PAX3: variants seen among roughly 807,000 people sequenced by gnomAD.
The protein encoded by PAX3 is paired box protein Pax-3.
A neutral mutation model predicts 51.6 loss-of-function variants in PAX3; 14 were observed. That is an observed-to-expected ratio of 0.27 (90% confidence interval 0.18 to 0.42). The LOEUF (loss-of-function observed/expected upper bound fraction) is 0.42, where lower values mean the gene tolerates loss of function less well. Among genes scored for constraint, PAX3 ranks in the 10% least tolerant of loss-of-function variants. PAX3 has a pLI of 1.00. For synonymous variants in PAX3, 280 were observed against 253.4 expected (o/e 1.11, Z -1.00); for missense variants, 540 against 642.8 (o/e 0.84, Z 1.73).
Position 222,298,671 on chromosome 2 carries a change from G to T in PAX3, c.-56C>A, listed in dbSNP as rs1011468608. 6.0e-6 allele frequency: 9 copies of T among 1,496,560 alleles called. No homozygotes were observed. Among genetic ancestry groups the T allele is most frequent in the Non-Finnish European group, 6.4e-6 (7 of 1,095,852 alleles). 92.7% of individuals were successfully genotyped at this position (1,496,560 alleles called of 1,614,324 possible). Reference sequence around the variant, plus strand: ...CCAGGTGAAGGCGAAACGGAAAGGCGAGTGCGGCGCGGATGACCCTCGGGA... The same window carrying T: ...CCAGGTGAAGGCGAAACGGAAAGGCTAGTGCGGCGCGGATGACCCTCGGGA... On this transcript the variant is annotated 5_prime_UTR_variant, in exon 1 of 9. Coordinates refer to ENST00000392070, the MANE Select transcript of PAX3 (RefSeq NM_181458.4).
Position 222,298,575 on chromosome 2 carries a change from G to C in PAX3, c.41C>G (p.Pro14Arg). ...LAGAVPRMMR[P>R]GPGQNYPRSG... Reference sequence around the variant, plus strand: ...ACGCGGGTAGTTCTGCCCCGGGCCCGGCCGCATCATCCTGGGCACAGCGCC... The same window carrying C: ...ACGCGGGTAGTTCTGCCCCGGGCCCCGCCGCATCATCCTGGGCACAGCGCC... The change falls in exon 1 of 9, where the codon CCG becomes CGG. Residue 14 changes from proline (P) to arginine (R), a missense_variant. Pro to Arg is a moderately radical substitution (Grantham distance 103). Transcript: ENST00000392070. 6.2e-7 allele frequency: 1 copy of C among 1,608,670 alleles called. No individual in the cohort carries two copies. Among genetic ancestry groups the C allele is most frequent in the South Asian group, 1.1e-5 (1 of 90,106 alleles).
At position 222,201,051 on chromosome 2, in the gene PAX3, A is replaced by ACG. The variant is rs1559248164; in HGVS notation, c.*356_*357insCG. On this transcript the variant is annotated 3_prime_UTR_variant, in exon 9 of 9. Coordinates refer to ENST00000392070, the MANE Select transcript of PAX3 (RefSeq NM_181458.4). Reference sequence around the variant, plus strand: ...AATCTCAATACACACACACACACACACACGCACGCACGCACACAAGCAAAT... The same window carrying ACG: ...AATCTCAATACACACACACACACACACGCACGCACGCACGCACACAAGCAAAT... The ACG allele has an allele frequency of 3.0e-6, 3 of 983,648 alleles. No homozygotes were observed. The highest frequency in any genetic ancestry group is 1.6e-5 in the African/African-American group (1 of 62,510). 60.9% of individuals were successfully genotyped at this position (983,648 alleles called of 1,614,324 possible). A position where few individuals can be genotyped will look rare whatever the true frequency, so the allele number is the denominator to read the frequency against.
intron 7 of PAX3, among the ~76,000 whole-genome samples, chr2:222,209,489 G>A (rs984816703): frequency 6.6e-6 from 1 of 151,882 alleles, no homozygotes; most frequent in Non-Finnish European, 1.5e-5. Flanking sequence ...GTCTAAGAAT[G>A]AACATACTCT....
Position 222,199,937 on chromosome 2 carries a change from T to A in PAX3, c.*1471A>T, listed in dbSNP as rs951670531. The A allele has an allele frequency of 5.4e-6, 1 of 185,674 alleles. No homozygotes were observed. The highest frequency in any genetic ancestry group is 2.3e-5 in the African/African-American group (1 of 42,634). The allele number at this position is 185,674 out of a possible 1,614,324, so 11.5% of individuals were successfully genotyped here. On this transcript the variant is annotated 3_prime_UTR_variant, in exon 9 of 9. Transcript: ENST00000392070. Reference sequence around the variant, plus strand: ...TATAAATAGTAAATATTTACTGCACTTTTTACATGAAAGACATTTTTACAA... The same window carrying A: ...TATAAATAGTAAATATTTACTGCACATTTTACATGAAAGACATTTTTACAA...
intron 4 of PAX3, chr2:222,263,548 T>C (rs1446060673): frequency 6.6e-6 from 1 of 152,184 alleles, no homozygotes; most frequent in Non-Finnish European, 1.5e-5. Context: ...ATAGAGTCAC[T>C]CTGTAAAACA....
chr2:222,294,123 C>T (rs199808040), intron 4 of PAX3, 44 bp downstream of exon 4: 13 of 1,613,192 alleles, frequency 8.1e-6, no homozygotes, highest in Non-Finnish European at 1.1e-5. Flanking sequence ...CCGATGCCCT[C>T]CAAGTCACCC....
intron 5 of PAX3, among the ~76,000 whole-genome samples, chr2:222,227,865 C>A (rs1186971907): frequency 6.6e-6 from 1 of 151,930 alleles, no homozygotes; most frequent in Non-Finnish European, 1.5e-5. Flanking sequence ...TTATATAAAA[C>A]ACTGACAGAG....
intron 7 of PAX3, 54 bp from the exon 8 acceptor site, chr2:222,202,244 C>T: frequency 7.9e-7 from 1 of 1,266,552 alleles, no homozygotes; most frequent in Middle Eastern, 2.4e-4. Context: ...ATCCAGATTG[C>T]AGCCTACAGC....
chr2:222,286,123 A>C (rs1424232111), intron 4 of PAX3, among the ~76,000 whole-genome samples: 1 of 152,200 alleles, frequency 6.6e-6, no homozygotes, highest in Non-Finnish European at 1.5e-5. Context: ...TTTTTAGTAG[A>C]GACAAGGTTT....
At chr2:222,233,681 A>C (rs1692695874) in intron 4 of PAX3, among the ~76,000 whole-genome samples, 1 of 152,078 alleles carries the variant, frequency 6.6e-6, no homozygotes, top group African/African-American at 2.4e-5. Context: ...GTGGGCAAAG[A>C]TCTATCAAAG....
intron 4 of PAX3, among the ~76,000 whole-genome samples, chr2:222,248,871 G>C (rs906029242): frequency 6.6e-6 from 1 of 152,072 alleles, no homozygotes; most frequent in Non-Finnish European, 1.5e-5. Flanking sequence ...CAAAAAATCT[G>C]AGGAAAGGAG....
intron 4 of PAX3, among the ~76,000 whole-genome samples, chr2:222,273,922 A>T (rs987677899): frequency 6.6e-6 from 1 of 152,168 alleles, no homozygotes; most frequent in African/African-American, 2.4e-5. Context: ...GAAAATGGCC[A>T]TCTTTTGAAT....
chr2:222,239,260 C>CA (rs1692914876), intron 4 of PAX3, among the ~76,000 whole-genome samples: 1 of 152,004 alleles, frequency 6.6e-6, no homozygotes, highest in Non-Finnish European at 1.5e-5. Flanking sequence ...AGGGTTCTGA[C>CA]ACCTGCCTGG....
intron 4 of PAX3, among the ~76,000 whole-genome samples, chr2:222,238,344 ATGAAATCT>A (rs1414782827): frequency 6.6e-6 from 1 of 152,208 alleles, no homozygotes; most frequent in African/African-American, 2.4e-5. Flanking sequence ...ACTATTATAC[ATGAAATCT>A]TGCCTCAATT....
intron 1 of PAX3, among the ~76,000 whole-genome samples, chr2:222,297,554 G>T (rs1041012359): frequency 4.6e-5 from 7 of 152,322 alleles, no homozygotes; most frequent in African/African-American, 1.7e-4. Context: ...CAGCCTCCTG[G>T]CGAAGAGAAG....
chr2:222,265,685 AG>A lies in PAX3; in HGVS notation c.586+28481del. ...AAGGAAGGAAGGAAGGAAGGAAGGA[AG>A]GAAGGGAGAAAGATTGATTTTGATT... On this transcript the variant is annotated intron_variant, in intron 4 of 8. Transcript: ENST00000392070. Among the ~76,000 whole-genome samples, 3 of 150,910 alleles carry A rather than the reference AG, an allele frequency of 2.0e-5. No homozygotes were observed. The Middle Eastern group carries it at 0.01, about 520-fold the overall frequency.
At chr2:222,286,145 C>T (rs1694826626) in intron 4 of PAX3, among the ~76,000 whole-genome samples, 3 of 152,222 alleles carry the variant, frequency 2.0e-5, no homozygotes, top group Admixed American at 2.0e-4. Context: ...ATCATGTTGG[C>T]CAGGCTGGTC....
intron 4 of PAX3, among the ~76,000 whole-genome samples, chr2:222,249,037 T>C (rs1693327683): frequency 6.6e-6 from 1 of 152,166 alleles, no homozygotes; most frequent in Admixed American, 6.6e-5. Flanking sequence ...TTGGTTTCAG[T>C]ATTTACCAAT....
At chr2:222,229,481 C>T (rs1281301250) in intron 5 of PAX3, among the ~76,000 whole-genome samples, 3 of 152,064 alleles carry the variant, frequency 2.0e-5, no homozygotes, top group Non-Finnish European at 2.9e-5. Flanking sequence ...CTTTCACTCA[C>T]CTTCCTCCCC....
Sources: gnomAD v4.1 joint callset for allele counts (sites outside exome capture counted in the v4.1 genomes callset) on GRCh38, gnomAD v4.1.1 for gene constraint, MANE v1.5 for transcripts, NCBI Gene and HGNC (gene_info 2026-07-23, HGNC 2026-07-21) for gene names.